The following TAOK3 variants were observed in gnomAD, a reference collection of about 807,000 sequenced individuals.
TAOK3 encodes serine/threonine-protein kinase TAO3.
TAOK3 carries 40 observed loss-of-function variants against 120.4 expected under a neutral mutation model. That is an observed-to-expected ratio of 0.33 (90% CI 0.26 to 0.43). The LOEUF is 0.43. Ranked by LOEUF, TAOK3 falls within the 20% of genes least tolerant of loss-of-function variation. TAOK3 has a pLI of 1.00. For synonymous variants in TAOK3, 355 were observed against 387.5 expected, an observed-to-expected ratio of 0.92 and a Z score of 0.99; for missense variants, 821 against 1,112.1, an observed-to-expected ratio of 0.74 and a Z score of 3.72.
At chr12:118,179,947 G>GTTT (rs34157387) in intron 15 of TAOK3, among the ~76,000 whole-genome samples, 4 of 118,174 alleles carry the variant, frequency 3.4e-5, no homozygotes, top group African/African-American at 6.6e-5. Flanking sequence ...TGCCTGGCTG[G>GTTT]TTTTTTTTTT....
At chr12:118,251,519 T>C (rs2140108716) in intron 3 of TAOK3, among the ~76,000 whole-genome samples, 1 of 152,328 alleles carries the variant, frequency 6.6e-6, no homozygotes, top group Non-Finnish European at 1.5e-5. Context: ...GCTACCTGTA[T>C]CATTTCTCTA....
At chr12:118,237,842 G>T (rs1220047768) in intron 7 of TAOK3, among the ~76,000 whole-genome samples, 2 of 152,068 alleles carry the variant, frequency 1.3e-5, no homozygotes, top group Non-Finnish European at 2.9e-5. Context: ...CATTTAGCCT[G>T]GAGAACAGTT....
At chr12:118,342,777 T>C (rs2044669272) in intron 1 of TAOK3, among the ~76,000 whole-genome samples, 2 of 150,992 alleles carry the variant, frequency 1.3e-5, no homozygotes, top group Non-Finnish European at 3.0e-5. Flanking sequence ...TTACAAAAAA[T>C]ACAAAAATTA....
chr12:118,243,570 A>G (rs2040347503), intron 4 of TAOK3, 54 bp from the exon 5 acceptor site: 2 of 695,906 alleles, frequency 2.9e-6, no homozygotes, highest in East Asian at 3.1e-5. Flanking sequence ...GGAAAATAGT[A>G]TTTCCTATCA....
chr12:118,189,724 G>C (rs1007964782), intron 14 of TAOK3, 83 bp downstream of exon 14: 6 of 1,531,446 alleles, frequency 3.9e-6, no homozygotes, highest in Non-Finnish European at 5.4e-6. Context: ...CCATGAAGCC[G>C]AGACAGGCTC....
chr12:118,344,781 T>C (rs1273757026), intron 1 of TAOK3, among the ~76,000 whole-genome samples: 1 of 152,174 alleles, frequency 6.6e-6, no homozygotes, highest in Non-Finnish European at 1.5e-5. Context: ...TTAAAAATAA[T>C]AGTACTTTAT....
chr12:118,249,860 A>T (rs1819221235), intron 3 of TAOK3, among the ~76,000 whole-genome samples: 3 of 152,148 alleles, frequency 2.0e-5, no homozygotes, highest in Non-Finnish European at 4.4e-5. Flanking sequence ...TAAAAATTTT[A>T]AAAGTGAAAA....
intron 14 of TAOK3, among the ~76,000 whole-genome samples, chr12:118,184,318 T>C (rs2036945174): frequency 6.6e-6 from 1 of 152,190 alleles, no homozygotes. Context: ...TATAACCAGA[T>C]ATTTCAATTG....
intron 3 of TAOK3, among the ~76,000 whole-genome samples, chr12:118,248,672 A>G (rs1419830473): frequency 2.6e-5 from 4 of 152,262 alleles, no homozygotes; most frequent in African/African-American, 9.6e-5. Flanking sequence ...ATAAAATCAG[A>G]TAGTATTATT....
chr12:118,172,349 G>T, intron 17 of TAOK3, 108 bp downstream of exon 17: 2 of 1,201,856 alleles, frequency 1.7e-6, no homozygotes, highest in Non-Finnish European at 1.2e-6. Flanking sequence ...GTGCTAAAAG[G>T]CTAGAAAGGC....
chr12:118,301,261 A>T (rs141342539), intron 1 of TAOK3, among the ~76,000 whole-genome samples: 10 of 152,326 alleles, frequency 6.6e-5, no homozygotes, highest in Non-Finnish European at 1.3e-4. Context: ...TGTCAAGCAA[A>T]GCTCCATTAA....
intron 1 of TAOK3, among the ~76,000 whole-genome samples, chr12:118,314,826 A>G (rs1289240005): frequency 6.6e-6 from 1 of 152,186 alleles, no homozygotes; most frequent in Non-Finnish European, 1.5e-5. Context: ...AAAAATTACT[A>G]CAACCATTTT....
At chr12:118,172,409 C>T (rs535812748) in intron 17 of TAOK3, 48 bp downstream of exon 17, 11 of 1,564,438 alleles carry the variant, frequency 7.0e-6, no homozygotes, top group South Asian at 2.2e-5. Flanking sequence ...CCTCACATAG[C>T]ATATTGTCTC....
intron 17 of TAOK3, among the ~76,000 whole-genome samples, chr12:118,170,765 C>T (rs529009229): frequency 4.6e-5 from 7 of 152,100 alleles, no homozygotes; most frequent in Admixed American, 1.3e-4. Context: ...TCTGTCTCCA[C>T]AAAAAAATGT....
At chr12:118,188,463 C>A (rs2037208523) in intron 14 of TAOK3, among the ~76,000 whole-genome samples, 1 of 152,112 alleles carries the variant, frequency 6.6e-6, no homozygotes, top group African/African-American at 2.4e-5. Context: ...AAAAATTGCT[C>A]ATCAAAGAGA....
chr12:118,158,959 T>C (rs541319153), intron 19 of TAOK3, among the ~76,000 whole-genome samples: 9 of 152,330 alleles, frequency 5.9e-5, no homozygotes, highest in Admixed American at 2.6e-4. Context: ...GGAACAACTT[T>C]TTCTTTTATG....
At position 118,161,775 on chromosome 12, in the gene TAOK3, G is replaced by A. The variant is rs777192669; in HGVS notation, c.2139+13C>T. ...TGATCTGGTCCAACACTGTCCAGCA[G>A]CACAAATCTTACCTTTAAGTTTTTT... On this transcript the variant is annotated intron_variant, in intron 18 of 20. Transcript: ENST00000392533. This position sits in a 1 kb window ranked among gnomAD's most constrained non-coding sequence, Gnocchi z 4.5. The A allele has an allele frequency of 1.1e-5, 18 of 1,613,870 alleles. No individual in the cohort carries two copies. Among genetic ancestry groups the A allele is most frequent in the Non-Finnish European group, 1.4e-5 (17 of 1,179,988 alleles).
chr12:118,259,103 G>C (rs1029039625), intron 2 of TAOK3, among the ~76,000 whole-genome samples: 2 of 152,114 alleles, frequency 1.3e-5, no homozygotes, highest in African/African-American at 4.8e-5. Context: ...CAAGATACCA[G>C]AGGCAAAGCC....
At chr12:118,331,721 T>G (rs1304220320) in intron 1 of TAOK3, among the ~76,000 whole-genome samples, 1 of 151,274 alleles carries the variant, frequency 6.6e-6, no homozygotes, top group Non-Finnish European at 1.5e-5. Context: ...AAAATGCATG[T>G]AAAAGTGCTT....
Sources: allele counts gnomAD v4.1 joint callset (sites outside exome capture counted in the v4.1 genomes callset), GRCh38; gene constraint gnomAD v4.1.1; non-coding constraint Gnocchi (gnomAD v3.1); transcripts MANE v1.5; gene names NCBI Gene and HGNC (gene_info 2026-07-23, HGNC 2026-07-21).